Variants in TOM1L2 observed in about 807,000 individuals in gnomAD.
TOM1L2 encodes the protein target of myb1 like 2 membrane trafficking protein, also known as TOM1-like protein 2.
A neutral mutation model predicts 67.9 loss-of-function variants in TOM1L2; 31 were observed. That is an observed-to-expected ratio of 0.46 (90% CI 0.34 to 0.62). TOM1L2 has a LOEUF of 0.62. Ranked by LOEUF, TOM1L2 falls within the 20% of genes least tolerant of loss-of-function variation. TOM1L2 has a pLI of 0.01. For missense variants in TOM1L2, 606 were observed against 663.5 expected (o/e 0.91, Z 0.95); for synonymous variants, 256 against 254.0 (o/e 1.01, Z -0.07).
intron 1 of TOM1L2, among the ~76,000 whole-genome samples, chr17:17,920,194 C>G (rs2039798605): frequency 6.6e-6 from 1 of 151,626 alleles, no homozygotes. Context: ...AAATTAGATG[C>G]TGGGTCACTT....
intron 7 of TOM1L2, among the ~76,000 whole-genome samples, chr17:17,870,304 T>C (rs941885769): frequency 3.3e-5 from 5 of 152,152 alleles, no homozygotes; most frequent in African/African-American, 1.2e-4. Flanking sequence ...CTGGCTTCCA[T>C]GAGCCTTCCC....
rs1429661910 is a variant in TOM1L2, at chr17:17,907,438, C to T, written c.137+9G>A. The stretch of plus-strand genomic sequence containing the variant: ...AGAGAGGCTTCCCAGGAGAGGGGGG[C>T]ACACGTACCCTTCCTCCGTCTCATT... On this transcript the variant is annotated intron_variant, in intron 2 of 14. Transcript: ENST00000379504. 2.5e-6 allele frequency: 4 copies of T among 1,613,470 alleles called. No homozygotes were observed. Among genetic ancestry groups the T allele is most frequent in the Middle Eastern group, 3.3e-4 (2 of 6,060 alleles).
chr17:17,892,885 A>T (rs2038365043), intron 4 of TOM1L2, among the ~76,000 whole-genome samples: 1 of 152,176 alleles, frequency 6.6e-6, no homozygotes, highest in African/African-American at 2.4e-5. Flanking sequence ...GTCATCAAGG[A>T]ACTGAGGCTT....
At position 17,879,820 on chromosome 17, in the gene TOM1L2, C is replaced by G. The variant is rs1053540311; in HGVS notation, c.661-77G>C. ...CACTTGCAATATCAGAATCAGCTTG[C>G]TCCTAGTCTAGTGACAATCCTTCTC... On this transcript the variant is annotated intron_variant, in intron 6 of 14. Coordinates refer to ENST00000379504, the MANE Select transcript of TOM1L2 (RefSeq NM_001082968.2). 4.8e-6 allele frequency: 6 copies of G among 1,240,664 alleles called. No individual in the cohort carries two copies. In the East Asian group the frequency reaches 9.3e-5, roughly 19 times the overall value. The allele number at this position is 1,240,664 out of a possible 1,614,324, so 76.9% of individuals were successfully genotyped here.
chr17:17,952,278 C>T (rs1431031748), intron 1 of TOM1L2, among the ~76,000 whole-genome samples: 1 of 151,292 alleles, frequency 6.6e-6, no homozygotes, highest in African/African-American at 2.4e-5. Context: ...CTTCATGGAA[C>T]ATGCGCCACA....
Position 17,930,281 on chromosome 17 carries a change from A to G in TOM1L2, c.53-22750T>C, listed in dbSNP as rs572320586. On this transcript the variant is annotated intron_variant, in intron 1 of 14. Coordinates refer to ENST00000379504, the MANE Select transcript of TOM1L2 (RefSeq NM_001082968.2). ...ATTACCAACATACAAACTTTAGCCCATTCTCCTAACAAAAACCAAAAAATT... is the reference window on the plus strand; with the variant it reads ...ATTACCAACATACAAACTTTAGCCCGTTCTCCTAACAAAAACCAAAAAATT... Among the ~76,000 whole-genome samples, 22 of 152,304 alleles carry G rather than the reference A, an allele frequency of 1.4e-4. No homozygotes were observed. In the East Asian group the frequency reaches 3.7e-3, roughly 25 times the overall value.
chr17:17,942,204 A>G (rs557037351), intron 1 of TOM1L2, among the ~76,000 whole-genome samples: 1 of 152,310 alleles, frequency 6.6e-6, no homozygotes, highest in South Asian at 2.1e-4. Context: ...ACAGCAGACA[A>G]AAGTAAGGAC....
At chr17:17,924,905 T>C (rs1228918531) in intron 1 of TOM1L2, among the ~76,000 whole-genome samples, 1 of 152,228 alleles carries the variant, frequency 6.6e-6, no homozygotes, top group Non-Finnish European at 1.5e-5. Flanking sequence ...TTATGTTGAA[T>C]TGTAGTTCCC....
rs1424638936 is a variant in TOM1L2 at position 17,907,431 on chromosome 17, A to G, written c.137+16T>C. On this transcript the variant is annotated intron_variant, in intron 2 of 14. Transcript: ENST00000379504. ...AAAGCTCAGAGAGGCTTCCCAGGAG[A>G]GGGGGGCACACGTACCCTTCCTCCG... 1.2e-6 allele frequency: 2 copies of G among 1,612,504 alleles called. No individual in the cohort carries two copies. Among genetic ancestry groups the G allele is most frequent in the African/African-American group, 2.7e-5 (2 of 74,840 alleles).
chr17:17,862,665 C>T (rs2036622270), intron 11 of TOM1L2, 66 bp downstream of exon 11: 1 of 1,364,984 alleles, frequency 7.3e-7, no homozygotes, highest in Non-Finnish European at 1.0e-6. Flanking sequence ...TTGTGCTGGC[C>T]TGTGACCAGG....
At chr17:17,887,751 C>T (rs893378689) in intron 4 of TOM1L2, among the ~76,000 whole-genome samples, 32 of 152,344 alleles carry the variant, frequency 2.1e-4, no homozygotes, top group African/African-American at 7.7e-4. Context: ...GCTGGGATTA[C>T]AGACATGAGC....
intron 12 of TOM1L2, among the ~76,000 whole-genome samples, chr17:17,854,281 C>T (rs191355285): frequency 5.3e-5 from 8 of 152,220 alleles, no homozygotes; most frequent in Admixed American, 3.3e-4. Context: ...AGGCCGAGGA[C>T]GCGCTCCTTG....
chr17:17,951,947 C>T (rs1215510600), intron 1 of TOM1L2, among the ~76,000 whole-genome samples: 2 of 152,184 alleles, frequency 1.3e-5, no homozygotes, highest in Non-Finnish European at 2.9e-5. Context: ...ATTTAGAGGG[C>T]AATTTGGCAG....
intron 5 of TOM1L2, among the ~76,000 whole-genome samples, chr17:17,883,377 T>C (rs1177854170): frequency 6.6e-6 from 1 of 152,242 alleles, no homozygotes; most frequent in Non-Finnish European, 1.5e-5. Context: ...AAACAGGTTA[T>C]GTTGATTTCA....
At position 17,898,446 on chromosome 17, in the gene TOM1L2, C is replaced by T. The variant is rs57791826; in HGVS notation, c.216+150G>A. 4.8e-3 allele frequency: 3,633 copies of T among 749,794 alleles called. 95 individuals carry two copies. In the African/African-American group the frequency reaches 0.055, roughly 11 times the overall value. The allele number at this position is 749,794 out of a possible 1,614,324, so 46.4% of individuals were successfully genotyped here. ...AGGACAGGAAAACCCAAAGGCAATA[C>T]CAGAAGGCTTTGCTGGACTCCAGTG... On this transcript the variant is annotated intron_variant, in intron 3 of 14. Coordinates refer to ENST00000379504, the MANE Select transcript of TOM1L2 (RefSeq NM_001082968.2).
intron 1 of TOM1L2, among the ~76,000 whole-genome samples, chr17:17,919,980 C>T (rs971152332): frequency 2.6e-5 from 4 of 152,134 alleles, no homozygotes; most frequent in Non-Finnish European, 5.9e-5. Context: ...TGACCCAGGT[C>T]TTCCTGGTAA....
chr17:17,965,215 C>T lies in TOM1L2; in HGVS notation c.52+7047G>A, dbSNP rs568862857. Among the ~76,000 whole-genome samples the T allele has an allele frequency of 7.9e-5, 12 of 152,258 alleles. No individual in the cohort carries two copies. In the South Asian group the frequency reaches 2.5e-3, roughly 32 times the overall value. ...ATATTCATGCTTCCATGCTATTCCC[C>T]TCCCTAGAAGTCTTTCATGCCTCCC... On this transcript the variant is annotated intron_variant, in intron 1 of 14. Transcript: ENST00000379504.
intron 12 of TOM1L2, among the ~76,000 whole-genome samples, chr17:17,858,034 AG>A (rs925307970): frequency 6.6e-6 from 1 of 152,226 alleles, no homozygotes; most frequent in African/African-American, 2.4e-5. Flanking sequence ...AGAAAAGTTT[AG>A]TAACCAAGAA....
At chr17:17,916,760 C>T (rs1360913027) in intron 1 of TOM1L2, among the ~76,000 whole-genome samples, 6 of 152,138 alleles carry the variant, frequency 3.9e-5, no homozygotes, top group Non-Finnish European at 5.9e-5. Flanking sequence ...CAGTGGCTCA[C>T]GCCTGTAATC....
Sources: gnomAD v4.1 joint callset for allele counts (sites outside exome capture counted in the v4.1 genomes callset) on GRCh38, gnomAD v4.1.1 for gene constraint, MANE v1.5 for transcripts, NCBI Gene and HGNC (gene_info 2026-07-23, HGNC 2026-07-21) for gene names.